Variants in OVCH1 observed in about 807,000 individuals in gnomAD.
OVCH1 encodes ovochymase-1.
Under a neutral mutation model 138.4 loss-of-function variants are expected in OVCH1, and 139 were observed. The observed-to-expected ratio is 1.00, with a 90% CI of 0.87 to 1.16. OVCH1 has a LOEUF of 1.16. Ranked by LOEUF, OVCH1 falls within the 50% of genes most tolerant of loss-of-function variation. OVCH1 has a pLI of 0.00. For synonymous variants in OVCH1, 453 were observed against 467.8 expected (o/e 0.97, Z 0.41); for missense variants, 1,367 against 1,357.9 (o/e 1.01, Z -0.11).
intron 3 of OVCH1, among the ~76,000 whole-genome samples, chr12:29,416,262 C>T (rs914958459): frequency 3.3e-5 from 5 of 151,802 alleles, no homozygotes; most frequent in African/African-American, 1.2e-4. Context: ...ACAAAGAATA[C>T]TTAGACTTGA....
intron 26 of OVCH1, among the ~76,000 whole-genome samples, chr12:29,434,190 T>G (rs1941318086): frequency 6.6e-6 from 1 of 152,194 alleles, no homozygotes; most frequent in South Asian, 2.1e-4. Context: ...GACAAATTAT[T>G]CTTGATATTA....
chr12:29,425,525 TG>T (rs1941166598), downstream of OVCH1, among the ~76,000 whole-genome samples: 1 of 152,214 alleles, frequency 6.6e-6, no homozygotes, highest in African/African-American at 2.4e-5. Context: ...ATCAATGTGA[TG>T]ACTACCACGT....
chr12:29,425,907 C>G (rs1014955978), downstream of OVCH1: 1 of 152,098 alleles, frequency 6.6e-6, no homozygotes, highest in Non-Finnish European at 1.5e-5. Context: ...CCAGGATGTC[C>G]ACACCCTTCT....
At chr12:29,441,123 C>T (rs1414544380) in intron 25 of OVCH1, among the ~76,000 whole-genome samples, 1 of 152,060 alleles carries the variant, frequency 6.6e-6, no homozygotes, top group Admixed American at 6.6e-5. Context: ...GTTGGTTGAC[C>T]ACCCAAAATC....
At chr12:29,464,367 C>T in intron 18 of OVCH1, 140 bp downstream of exon 18, 1 of 963,172 alleles carries the variant, frequency 1.0e-6, no homozygotes, top group Non-Finnish European at 1.6e-6. Context: ...ACTTGCTGAT[C>T]TGTTACAGCT....
In OVCH1 at chr12:29,445,445, A is replaced by G. The variant is rs376111615; in HGVS notation, c.2756-42T>C. 320 of 1,547,918 alleles carry G rather than the reference A, an allele frequency of 2.1e-4. 1 individual carries two copies. The highest frequency in any genetic ancestry group is 5.7e-5 in the Admixed American group (3 of 53,070). Reference sequence around the variant, plus strand: ...ACTCTAGTAAAAAATAAGAATGAAAATTTGACAGCAGTTTCTGTATTTTAG... The same window carrying G: ...ACTCTAGTAAAAAATAAGAATGAAAGTTTGACAGCAGTTTCTGTATTTTAG... On this transcript the variant is annotated intron_variant, in intron 22 of 27. Transcript: ENST00000318184.
chr12:29,491,137 T>A, exon 5 of OVCH1: 1 of 1,613,812 alleles, frequency 6.2e-7, no homozygotes, highest in Non-Finnish European at 8.5e-7. Flanking sequence ...AGCAAAGAAT[T>A]CCTGGTTCAA....
chr12:29,409,199 T>C (rs1354100651), downstream of OVCH1, among the ~76,000 whole-genome samples: 1 of 152,188 alleles, frequency 6.6e-6, no homozygotes, highest in African/African-American at 2.4e-5. Flanking sequence ...TCTTCTCTCT[T>C]TTTTCTTTAT....
At chr12:29,445,227 G>C in intron 23 of OVCH1, 51 bp downstream of exon 23, 1 of 1,508,100 alleles carries the variant, frequency 6.6e-7, no homozygotes. Context: ...CCTAAATAGA[G>C]TAATATTGAT....
intron 16 of OVCH1, among the ~76,000 whole-genome samples, chr12:29,466,397 T>G (rs987691528): frequency 2.8e-5 from 4 of 141,300 alleles, no homozygotes; most frequent in African/African-American, 1.3e-4. Flanking sequence ...TAAAAAATTA[T>G]ATCTGTGACA....
chr12:29,441,592 A>C (rs1257435266), intron 25 of OVCH1, among the ~76,000 whole-genome samples: 5 of 152,302 alleles, frequency 3.3e-5, no homozygotes, highest in East Asian at 1.9e-4. Context: ...CACCAAAAGC[A>C]ATGGCAACAA....
intron 4 of OVCH1, among the ~76,000 whole-genome samples, 184 bp from the exon 5 acceptor site, chr12:29,491,376 A>G (rs1037597011): frequency 3.9e-5 from 6 of 152,240 alleles, no homozygotes; most frequent in African/African-American, 1.4e-4. Flanking sequence ...TGAGAAATGC[A>G]GAAAAAGTAA....
chr12:29,402,274 A>G, the OVCH1 span, among the ~76,000 whole-genome samples: 1 of 152,368 alleles, frequency 6.6e-6, no homozygotes, highest in South Asian at 2.1e-4. Flanking sequence ...TAACATGAGA[A>G]TTAGAGAATC....
chr12:29,452,936 T>TAAC (rs1941838728), intron 21 of OVCH1, among the ~76,000 whole-genome samples: 1 of 152,202 alleles, frequency 6.6e-6, no homozygotes, highest in Non-Finnish European at 1.5e-5. Flanking sequence ...TTGGCGTGCA[T>TAAC]AACCATTTCT....
At chr12:29,457,863 G>A (rs542027973) in intron 19 of OVCH1, among the ~76,000 whole-genome samples, 87 of 152,320 alleles carry the variant, frequency 5.7e-4, no homozygotes, top group African/African-American at 2.0e-3. Flanking sequence ...TTGCTTACAT[G>A]TGCATGTATG....
chr12:29,412,173 G>A (rs1043751613), downstream of OVCH1, among the ~76,000 whole-genome samples: 4 of 152,238 alleles, frequency 2.6e-5, no homozygotes, highest in Middle Eastern at 3.4e-3. Context: ...CGCAGTACTT[G>A]GGCAGGAGTG....
At chr12:29,444,874 C>T (rs762385308) in intron 23 of OVCH1, among the ~76,000 whole-genome samples, 4 of 151,480 alleles carry the variant, frequency 2.6e-5, no homozygotes, top group Non-Finnish European at 4.4e-5. Flanking sequence ...TCTTTTATTA[C>T]ATCACTAAAA....
chr12:29,435,977 A>G (rs911062562), intron 26 of OVCH1, among the ~76,000 whole-genome samples: 6 of 152,208 alleles, frequency 3.9e-5, no homozygotes, highest in African/African-American at 1.4e-4. Flanking sequence ...AAAGATGTCC[A>G]ATTAAACATA....
At chr12:29,457,324 ATC>A (rs1941981570) in intron 19 of OVCH1, among the ~76,000 whole-genome samples, 1 of 148,898 alleles carries the variant, frequency 6.7e-6, no homozygotes, top group Admixed American at 6.8e-5. Flanking sequence ...TGTTCAATTT[ATC>A]TCTTTTTGCC....
Sources: gnomAD v4.1 joint callset for allele counts (sites outside exome capture counted in the v4.1 genomes callset) on GRCh38, gnomAD v4.1.1 for gene constraint, MANE v1.5 for transcripts, NCBI Gene and HGNC (gene_info 2026-07-23, HGNC 2026-07-21) for gene names.